Variants in MAVS observed in about 807,000 individuals in gnomAD.
MAVS encodes the protein mitochondrial antiviral-signaling protein.
MAVS carries 20 observed loss-of-function variants against 30.2 expected under a neutral mutation model. That is an observed-to-expected ratio of 0.66 (90% CI 0.47 to 0.96). The LOEUF (loss-of-function observed/expected upper bound fraction) is 0.96, where lower values mean the gene tolerates loss of function less well. MAVS is among the 40% of genes least tolerant of loss of function. The pLI is 0.00. For synonymous variants in MAVS, 278 were observed against 293.9 expected (o/e 0.95, Z 0.55); for missense variants, 624 against 701.1 (o/e 0.89, Z 1.24).
Position 3,861,680 on chromosome 20 carries a change from A to T in MAVS, c.465+176A>T, listed in dbSNP as rs372746504. Among the ~76,000 whole-genome samples the T allele has an allele frequency of 5.9e-5, 9 of 152,266 alleles. No homozygotes were observed. The East Asian group carries it at 1.7e-3, about 29-fold the overall frequency. ...CCCCAGACCAGCTTCCAGGCTGCTGACCAGGTCTTCACCCTGTGGCAGCCC... is the reference window on the plus strand; with the variant it reads ...CCCCAGACCAGCTTCCAGGCTGCTGTCCAGGTCTTCACCCTGTGGCAGCCC... On this transcript the variant is annotated intron_variant, in intron 4 of 6. Coordinates refer to ENST00000428216, the MANE Select transcript of MAVS (RefSeq NM_020746.5).
chr20:3,860,869 G>T (rs930053089), intron 3 of MAVS, among the ~76,000 whole-genome samples: 2 of 151,978 alleles, frequency 1.3e-5, no homozygotes, highest in Non-Finnish European at 2.9e-5. Context: ...TAGAGACGGG[G>T]TTTCACTATG....
In MAVS at chr20:3,867,692, C is replaced by T. The variant is rs2089919699; in HGVS notation, c.*1545C>T. 1 of 153,194 alleles carries T rather than the reference C, an allele frequency of 6.5e-6. No homozygotes were observed. Among genetic ancestry groups the T allele is most frequent in the Non-Finnish European group, 1.5e-5 (1 of 68,716 alleles). The allele number at this position is 153,194 out of a possible 1,614,324, so 9.5% of individuals were successfully genotyped here. A position where few individuals can be genotyped will look rare whatever the true frequency, so the allele number is the denominator to read the frequency against. On this transcript the variant is annotated 3_prime_UTR_variant, in exon 7 of 7. Transcript: ENST00000428216. ...TCACAGCTTTATCTTTGTATTTGCC[C>T]CTTACTTTATCTTGTGCCTTGAGAA...
At position 3,867,348 on chromosome 20, in the gene MAVS, A is replaced by G. The variant is rs1328485366; in HGVS notation, c.*1201A>G. 2 of 295,944 alleles carry G rather than the reference A, an allele frequency of 6.8e-6. No homozygotes were observed. Among genetic ancestry groups the G allele is most frequent in the Non-Finnish European group, 1.3e-5 (2 of 151,652 alleles). The allele number at this position is 295,944 out of a possible 1,614,324, so 18.3% of individuals were successfully genotyped here. On this transcript the variant is annotated 3_prime_UTR_variant, in exon 7 of 7. Transcript: ENST00000428216. ...TGTAGGTCTTAGGATGAGTCCTGGC[A>G]TTTACCAAGGGTTGGATATATGTTA...
At chr20:3,850,589 C>T (rs75271620) in intron 1 of MAVS, among the ~76,000 whole-genome samples, 3 of 70,968 alleles carry the variant, frequency 4.2e-5, no homozygotes, top group Admixed American at 3.3e-4. Context: ...AACTCCATTT[C>T]AAAAAAAAAA....
intron 3 of MAVS, among the ~76,000 whole-genome samples, chr20:3,861,117 T>C (rs1209331832): frequency 6.6e-6 from 1 of 152,076 alleles, no homozygotes; most frequent in Non-Finnish European, 1.5e-5. Context: ...CTCAGCCTCC[T>C]GAGTAGCTGG....
Position 3,871,489 on chromosome 20 carries a change from G to T in MAVS, c.*5342G>T, listed in dbSNP as rs1254392262. ...CCCAGAGAGGTGATGATGAATGATG[G>T]GTGTGTCCAGTGGCAGTTTGCCCCA... On this transcript the variant is annotated 3_prime_UTR_variant, in exon 7 of 7. Coordinates refer to ENST00000428216, the MANE Select transcript of MAVS (RefSeq NM_020746.5). 3 of 152,746 alleles carry T rather than the reference G, an allele frequency of 2.0e-5. No homozygotes were observed. The highest frequency in any genetic ancestry group is 4.4e-5 in the Non-Finnish European group (3 of 68,084). The allele number at this position is 152,746 out of a possible 1,614,324, so 9.5% of individuals were successfully genotyped here. A position where few individuals can be genotyped will look rare whatever the true frequency, so the allele number is the denominator to read the frequency against.
At position 3,865,984 on chromosome 20, in the gene MAVS, C is replaced by T. The variant is rs762014329; in HGVS notation, c.1460C>T (p.Ala487Val). 109 of 1,613,076 alleles carry T rather than the reference C, an allele frequency of 6.8e-5. No individual in the cohort carries two copies. The highest frequency in any genetic ancestry group is 2.4e-4 in the East Asian group (11 of 44,898). Residue 487 changes from alanine to valine, a missense_variant, in exon 7 of 7, where the codon GCG (alanine) becomes GTG (valine). Ala to Val is a moderately conservative substitution (Grantham distance 64). Coordinates refer to ENST00000428216, the MANE Select transcript of MAVS (RefSeq NM_020746.5). This position sits in a 1 kb window ranked among gnomAD's most constrained non-coding sequence, Gnocchi z 4.7. Reference protein sequence around the residue: ...QLLEGNPGPPADPDGGPRPQA... With the variant: ...QLLEGNPGPPVDPDGGPRPQA... The stretch of plus-strand genomic sequence containing the variant: ...CTGGAGGGCAACCCTGGGCCACCTG[C>T]GGACCCGGATGGCGGCCCCAGGCCA...
At chr20:3,857,837 AC>A (rs1207280484) in intron 3 of MAVS, 28 bp downstream of exon 3, 18 of 1,612,140 alleles carry the variant, frequency 1.1e-5, no homozygotes, top group Non-Finnish European at 1.4e-5. Flanking sequence ...GCCCTCCTGG[AC>A]CCCCAGCCTG....
chr20:3,856,305 C>G (rs1011852217), intron 2 of MAVS, among the ~76,000 whole-genome samples: 1 of 150,920 alleles, frequency 6.6e-6, no homozygotes, highest in South Asian at 2.1e-4. Context: ...CCACCCGCCT[C>G]GGCCTCCCAA....
At chr20:3,847,727 G>A (rs1292762524) in intron 1 of MAVS, among the ~76,000 whole-genome samples, 4 of 152,164 alleles carry the variant, frequency 2.6e-5, no homozygotes, top group Non-Finnish European at 5.9e-5. Flanking sequence ...GTGACCTTGG[G>A]TCCTCTTTGG....
chr20:3,854,835 G>A (rs1363944126), intron 2 of MAVS, 94 bp downstream of exon 2: 10 of 776,412 alleles, frequency 1.3e-5, no homozygotes. Context: ...CCAAGCCTGG[G>A]CTGGCTCCTT....
In MAVS at chr20:3,868,665, G is replaced by A. The variant is rs1371419529; in HGVS notation, c.*2518G>A. ...AAAAAAAAAGGCAGTATGTAGCCCC[G>A]AAGACTGTTGCCCAAGTGGTAGAAT... On this transcript the variant is annotated 3_prime_UTR_variant, in exon 7 of 7. Transcript: ENST00000428216. The A allele has an allele frequency of 5.3e-5, 8 of 149,560 alleles. No individual in the cohort carries two copies. Among genetic ancestry groups the A allele is most frequent in the East Asian group, 2.0e-4 (1 of 5,096 alleles). 9.3% of individuals were successfully genotyped at this position (149,560 alleles called of 1,614,324 possible). A position where few individuals can be genotyped will look rare whatever the true frequency, so the allele number is the denominator to read the frequency against.
At chr20:3,855,135 T>A (rs969169651) in intron 2 of MAVS, among the ~76,000 whole-genome samples, 8 of 152,068 alleles carry the variant, frequency 5.3e-5, no homozygotes, top group Admixed American at 3.3e-4. Flanking sequence ...GTGATCCGCC[T>A]GCCTCGGCCT....
chr20:3,871,470 G>C lies in MAVS; in HGVS notation c.*5323G>C, dbSNP rs1166876994. ...GCCTGGCTGCTACTACTGTCCCAGA[G>C]AGGTGATGATGAATGATGGGTGTGT... On this transcript the variant is annotated 3_prime_UTR_variant, in exon 7 of 7. Transcript: ENST00000428216. 1 of 153,132 alleles carries C rather than the reference G, an allele frequency of 6.5e-6. No individual in the cohort carries two copies. The highest frequency in any genetic ancestry group is 1.5e-5 in the Non-Finnish European group (1 of 68,106). 9.5% of individuals were successfully genotyped at this position (153,132 alleles called of 1,614,324 possible). A position where few individuals can be genotyped will look rare whatever the true frequency, so the allele number is the denominator to read the frequency against.
chr20:3,865,892 G>A lies in MAVS; in HGVS notation c.1368G>A (p.Glu456=). 6.2e-7 allele frequency: 1 copy of A among 1,614,090 alleles called. No homozygotes were observed. The highest frequency in any genetic ancestry group is 8.5e-7 in the Non-Finnish European group (1 of 1,180,032). ...SLGMGPCHGP[E]ENEYKSEGTF... ...GCATGGGGCCCTGCCATGGCCCAGA[G>A]GAGAATGAGTATAAGTCCGAGGGCA... is the stretch of plus-strand genomic sequence containing the variant. The change falls in exon 7 of 7, where the codon GAG becomes GAA. Residue 456 remains glutamate, a synonymous_variant. Transcript: ENST00000428216. This position sits in a 1 kb window ranked among gnomAD's most constrained non-coding sequence, Gnocchi z 4.7.
Position 3,861,316 on chromosome 20 carries a change from C to T in MAVS, c.293-16C>T, listed in dbSNP as rs1451726510. The T allele has an allele frequency of 6.3e-7, 1 of 1,599,574 alleles. No homozygotes were observed. Among genetic ancestry groups the T allele is most frequent in the South Asian group, 1.1e-5 (1 of 89,736 alleles). Reference sequence around the variant, plus strand: ...CCCTGATTCCTTCTTGATATCACTACATCTTTGTCCTCTAGGGACCTCGGA... The same window carrying T: ...CCCTGATTCCTTCTTGATATCACTATATCTTTGTCCTCTAGGGACCTCGGA... On this transcript the variant is annotated splice_polypyrimidine_tract_variant and intron_variant, in intron 3 of 6. Transcript: ENST00000428216.
At position 3,870,768 on chromosome 20, in the gene MAVS, A is replaced by T. The variant is rs778558412; in HGVS notation, c.*4621A>T. ...TATTATGAACTTTCAAACACAAAAA[A>T]GTAGAGAGAGTAGAATAACAAATCC... On this transcript the variant is annotated 3_prime_UTR_variant, in exon 7 of 7. Coordinates refer to ENST00000428216, the MANE Select transcript of MAVS (RefSeq NM_020746.5). 3 of 151,690 alleles carry T rather than the reference A, an allele frequency of 2.0e-5. No homozygotes were observed. The highest frequency in any genetic ancestry group is 7.3e-5 in the African/African-American group (3 of 41,330). The allele number at this position is 151,690 out of a possible 1,614,324, so 9.4% of individuals were successfully genotyped here. A position where few individuals can be genotyped will look rare whatever the true frequency, so the allele number is the denominator to read the frequency against.
chr20:3,850,369 G>C (rs1459034238), intron 1 of MAVS, among the ~76,000 whole-genome samples: 1 of 148,496 alleles, frequency 6.7e-6, no homozygotes, highest in East Asian at 2.0e-4. Context: ...AGGCCGAGGT[G>C]AGCGGATCAC....
At position 3,867,853 on chromosome 20, in the gene MAVS, A is replaced by G. The variant is rs965377793; in HGVS notation, c.*1706A>G. 2.0e-5 allele frequency: 3 copies of G among 152,394 alleles called. No homozygotes were observed. The highest frequency in any genetic ancestry group is 6.6e-5 in the Admixed American group (1 of 15,266). The allele number at this position is 152,394 out of a possible 1,614,324, so 9.4% of individuals were successfully genotyped here. A position where few individuals can be genotyped will look rare whatever the true frequency, so the allele number is the denominator to read the frequency against. On this transcript the variant is annotated 3_prime_UTR_variant, in exon 7 of 7. Coordinates refer to ENST00000428216, the MANE Select transcript of MAVS (RefSeq NM_020746.5). ...GGAGATTATCTACAATAACACCAGA[A>G]ACACATTGGGGTGGATTGGGGGTAT...
Sources: allele counts gnomAD v4.1 joint callset (sites outside exome capture counted in the v4.1 genomes callset), GRCh38; gene constraint gnomAD v4.1.1; non-coding constraint Gnocchi (gnomAD v3.1); transcripts MANE v1.5; gene names NCBI Gene and HGNC (gene_info 2026-07-23, HGNC 2026-07-21).